The following THOC2 variants were observed in gnomAD, a reference collection of about 807,000 sequenced individuals.
THOC2 encodes THO complex 2.
Under a neutral mutation model 128.4 loss-of-function variants are expected in THOC2, and 10 were observed. The observed-to-expected ratio is 0.08, with a 90% CI of 0.05 to 0.13. The LOEUF is 0.13. Ranked by LOEUF, THOC2 falls within the 10% of genes least tolerant of loss-of-function variation. The pLI, the probability that THOC2 is intolerant of heterozygous loss-of-function variation, is 1.00. For synonymous variants in THOC2, 393 were observed against 396.9 expected (o/e 0.99, Z 0.12); for missense variants, 535 against 1,155.7 (o/e 0.46, Z 7.79).
In THOC2 at chrX:123,626,666, C is replaced by T; in HGVS notation, c.2758-4G>A. On this transcript the variant is annotated splice_region_variant and splice_polypyrimidine_tract_variant and intron_variant, in intron 23 of 38. Transcript: ENST00000245838. ...CTTTTTTCTTTTTATTTGGGGGCTA[C>T]AAAGAATTCAATTAGACACTTTTCT... 1 of 1,183,487 alleles carries T rather than the reference C, an allele frequency of 8.4e-7. No individual in the cohort carries two copies. The highest frequency in any genetic ancestry group is 1.1e-6 in the Non-Finnish European group (1 of 886,545).
chrX:123,608,093 T>G (rs192020631), intron 38 of THOC2, among the ~76,000 whole-genome samples: 30 of 109,880 alleles, frequency 2.7e-4, no homozygotes, highest in Admixed American at 2.6e-3. Context: ...CATTTAAAAT[T>G]TTTTTTTGTT....
intron 12 of THOC2, among the ~76,000 whole-genome samples, chrX:123,654,571 T>C (rs1314014319): frequency 9.5e-6 from 1 of 105,698 alleles, no homozygotes; most frequent in East Asian, 2.9e-4. Context: ...CTGACCAACA[T>C]GGTGAAACCC....
In THOC2 at chrX:123,627,927, T is replaced by C. The variant is rs1179211531; in HGVS notation, c.2523A>G (p.Lys841=). 4.2e-5 allele frequency: 51 copies of C among 1,206,568 alleles called. No homozygotes were observed. Among genetic ancestry groups the C allele is most frequent in the Non-Finnish European group, 5.5e-5 (49 of 892,417 alleles). The change falls in exon 23 of 39, where the codon AAA becomes AAG. Residue 841 remains lysine, a synonymous_variant. Transcript: ENST00000245838. The part of the protein sequence containing the change: ...DELKKSEKGS[K]QQHKVHKYIT... ...TGTACTTATGAACTTTATGTTGCTGTTTACTTCCCTTTTCTGATTTTTTAA... is the reference window on the plus strand; with the variant it reads ...TGTACTTATGAACTTTATGTTGCTGCTTACTTCCCTTTTCTGATTTTTTAA...
At chrX:123,675,337 A>T (rs998553245) in intron 8 of THOC2, among the ~76,000 whole-genome samples, 1 of 111,679 alleles carries the variant, frequency 9.0e-6, no homozygotes, top group South Asian at 3.8e-4. Context: ...TTTTAGGACT[A>T]TTGATTTCAA....
At chrX:123,696,343 T>C (rs758570372) in intron 6 of THOC2, among the ~76,000 whole-genome samples, 189 bp from the exon 7 acceptor site, 10 of 111,416 alleles carry the variant, frequency 9.0e-5, no homozygotes, top group South Asian at 3.7e-4. Flanking sequence ...AGAACCCCAA[T>C]ATTAATTACA....
intron 33 of THOC2, 74 bp from the exon 34 acceptor site, chrX:123,614,263 G>C: frequency 1.1e-6 from 1 of 902,825 alleles, no homozygotes; most frequent in Non-Finnish European, 1.5e-6. Flanking sequence ...TTTACTAAAT[G>C]AAACACAATT....
chrX:123,618,485 T>A (rs943627262), intron 33 of THOC2, among the ~76,000 whole-genome samples: 3 of 111,815 alleles, frequency 2.7e-5, no homozygotes, highest in Non-Finnish European at 5.7e-5. Flanking sequence ...CAGTTAGTAA[T>A]GTCAACTGGC....
chrX:123,642,148 G>A (rs1162925521), intron 15 of THOC2, among the ~76,000 whole-genome samples: 4 of 112,248 alleles, frequency 3.6e-5, no homozygotes, highest in African/African-American at 6.5e-5. Context: ...GGATGAAGCC[G>A]CGTGCAGTGG....
At chrX:123,649,747 G>A (rs2048280451) in intron 12 of THOC2, among the ~76,000 whole-genome samples, 1 of 110,852 alleles carries the variant, frequency 9.0e-6, no homozygotes, top group Admixed American at 9.7e-5. Context: ...GTGAAGACAA[G>A]ATTAGAGAAA....
intron 12 of THOC2, among the ~76,000 whole-genome samples, chrX:123,657,232 A>G (rs1221131085): frequency 9.0e-6 from 1 of 110,556 alleles, no homozygotes; most frequent in African/African-American, 3.3e-5. Context: ...AAAAGGCAGA[A>G]CAGAATATCC....
chrX:123,615,657 AC>A (rs2046865785), intron 33 of THOC2, among the ~76,000 whole-genome samples: 10 of 92,771 alleles, frequency 1.1e-4, no homozygotes, highest in African/African-American at 4.7e-5. Context: ...AAAAAAAAAT[AC>A]ACACACACAC....
Position 123,638,657 on chromosome X carries a change from T to TCA in THOC2, c.1840+275_1840+276dup, listed in dbSNP as rs1488462562. Among the ~76,000 whole-genome samples, 609 of 107,389 alleles carry TCA rather than the reference T, an allele frequency of 5.7e-3. 4 individuals carry two copies. The highest frequency in any genetic ancestry group is 0.019 in the Middle Eastern group (4 of 214). 93.3% of individuals were successfully genotyped at this position (107,389 alleles called of 115,157 possible). A position where few individuals can be genotyped will look rare whatever the true frequency, so the allele number is the denominator to read the frequency against. Reference sequence around the variant, plus strand: ...CTGGGAGACAGAGCAAAAGTCTGTCTCACACACACAAAAAAAAAAAGTTGG... The same window carrying TCA: ...CTGGGAGACAGAGCAAAAGTCTGTCTCACACACACACAAAAAAAAAAAGTTGG... On this transcript the variant is annotated intron_variant, in intron 17 of 38. Transcript: ENST00000245838.
intron 38 of THOC2, among the ~76,000 whole-genome samples, chrX:123,608,279 T>C (rs1204086075): frequency 9.3e-6 from 1 of 107,904 alleles, no homozygotes; most frequent in Non-Finnish European, 1.9e-5. Flanking sequence ...CACGTGCTTG[T>C]AGTCCCAACT....
At chrX:123,658,239 A>C (rs1409011650) in intron 12 of THOC2, among the ~76,000 whole-genome samples, 1 of 111,725 alleles carries the variant, frequency 9.0e-6, no homozygotes, top group Non-Finnish European at 1.9e-5. Context: ...AACAAAAAAC[A>C]GGGGCAAAAA....
intron 12 of THOC2, among the ~76,000 whole-genome samples, chrX:123,654,197 T>C (rs1407825488): frequency 9.2e-6 from 1 of 108,355 alleles, no homozygotes; most frequent in African/African-American, 3.4e-5. Context: ...TAAGTGGGAG[T>C]TGAACAATTA....
intron 8 of THOC2, among the ~76,000 whole-genome samples, chrX:123,681,869 G>A (rs990517494): frequency 1.2e-4 from 13 of 111,750 alleles, no homozygotes; most frequent in Non-Finnish European, 2.4e-4. Flanking sequence ...GGACCAGCCT[G>A]ACCAACATGG....
At chrX:123,729,552 C>G (rs751036283) in intron 1 of THOC2, among the ~76,000 whole-genome samples, 1 of 111,935 alleles carries the variant, frequency 8.9e-6, no homozygotes, top group Non-Finnish European at 1.9e-5. Context: ...AAGTGACAGA[C>G]AAGAAATGAA....
intron 37 of THOC2, 39 bp downstream of exon 37, chrX:123,611,401 C>T: frequency 9.3e-7 from 1 of 1,071,420 alleles, no homozygotes. Flanking sequence ...TCAAAGCTTT[C>T]TACTACACTA....
At chrX:123,711,129 G>A (rs928819325) in intron 2 of THOC2, among the ~76,000 whole-genome samples, 15 of 103,916 alleles carry the variant, frequency 1.4e-4, no homozygotes, top group African/African-American at 4.6e-4. Flanking sequence ...AGCGATTCTC[G>A]TACCTCAGCC....
Sources: gnomAD v4.1 joint callset for allele counts (sites outside exome capture counted in the v4.1 genomes callset) on GRCh38, gnomAD v4.1.1 for gene constraint, MANE v1.5 for transcripts, NCBI Gene and HGNC (gene_info 2026-07-23, HGNC 2026-07-21) for gene names.